Variants in TGFBR2 observed in about 807,000 individuals in gnomAD.
TGFBR2 encodes transforming growth factor beta receptor 2.
In TGFBR2, 18 loss-of-function variants were observed where a neutral mutation model predicts 49.0. The observed-to-expected ratio is 0.37, with a 90% confidence interval of 0.25 to 0.54. The LOEUF is 0.54. Among genes scored for constraint, TGFBR2 ranks in the 20% least tolerant of loss-of-function variants. The pLI, the probability that TGFBR2 is intolerant of heterozygous loss-of-function variation, is 0.85. For missense variants in TGFBR2, 525 were observed against 722.6 expected, an observed-to-expected ratio of 0.73 and a Z score of 3.13; for synonymous variants, 282 against 275.9, an observed-to-expected ratio of 1.02 and a Z score of -0.22.
intron 3 of TGFBR2, among the ~76,000 whole-genome samples, chr3:30,671,024 C>T (rs1392224458): frequency 6.6e-6 from 1 of 152,210 alleles, no homozygotes; most frequent in Non-Finnish European, 1.5e-5. Context: ...CAAACTGTGG[C>T]ACGCTCTGTG....
At chr3:30,667,400 C>T (rs1341125532) in intron 3 of TGFBR2, among the ~76,000 whole-genome samples, 1 of 152,138 alleles carries the variant, frequency 6.6e-6, no homozygotes, top group Non-Finnish European at 1.5e-5. Flanking sequence ...TAGATAAAGC[C>T]ACATCCCAAA....
chr3:30,637,859 A>G (rs990575348), intron 1 of TGFBR2, among the ~76,000 whole-genome samples: 1 of 152,250 alleles, frequency 6.6e-6, no homozygotes, highest in Admixed American at 6.5e-5. Context: ...TTTAGAAGCG[A>G]AAGTGCGAGG....
chr3:30,644,163 A>G (rs1200649776), intron 1 of TGFBR2, among the ~76,000 whole-genome samples: 5 of 152,220 alleles, frequency 3.3e-5, no homozygotes, highest in South Asian at 2.1e-4. Flanking sequence ...GAAGACCCTT[A>G]TAGCTCTTTC....
At chr3:30,615,206 G>A (rs1698108645) in intron 1 of TGFBR2, among the ~76,000 whole-genome samples, 1 of 152,124 alleles carries the variant, frequency 6.6e-6, no homozygotes, top group African/African-American at 2.4e-5. Context: ...AATATGTTGA[G>A]GATATAAATG....
chr3:30,632,659 TGTGA>T (rs1437649072), intron 1 of TGFBR2, among the ~76,000 whole-genome samples: 6 of 152,230 alleles, frequency 3.9e-5, no homozygotes, highest in African/African-American at 1.4e-4. Flanking sequence ...TTTTCTTTGG[TGTGA>T]GAGAGCATTG....
chr3:30,631,621 CTTTTT>C (rs71093918), intron 1 of TGFBR2, among the ~76,000 whole-genome samples: 2 of 115,378 alleles, frequency 1.7e-5, no homozygotes, highest in East Asian at 2.4e-4. Context: ...CAACTTCTTT[CTTTTT>C]TTTTTTTTTT....
At chr3:30,649,785 T>C (rs2125409215) in intron 2 of TGFBR2, among the ~76,000 whole-genome samples, 1 of 152,240 alleles carries the variant, frequency 6.6e-6, no homozygotes, top group South Asian at 2.1e-4. Context: ...AGAGGAACTG[T>C]GACTATTTCC....
intron 3 of TGFBR2, among the ~76,000 whole-genome samples, chr3:30,657,987 G>A (rs1699039491): frequency 6.6e-6 from 1 of 152,212 alleles, no homozygotes; most frequent in Admixed American, 6.5e-5. Flanking sequence ...AGCATACCGA[G>A]CAGGGGTCTG....
At chr3:30,641,072 C>A (rs572523517) in intron 1 of TGFBR2, among the ~76,000 whole-genome samples, 2 of 152,296 alleles carry the variant, frequency 1.3e-5, no homozygotes, top group East Asian at 3.9e-4. Context: ...CACTGGCCCT[C>A]ATCCCACTCT....
Position 30,691,498 on chromosome 3 carries a change from G to T in TGFBR2, c.1603G>T (p.Ala535Ser), listed in dbSNP as rs1699709450. ...GGCCCGTCTCACAGCCCAGTGTGTG[G>T]CAGAACGCTTCAGTGAGCTGGAGCA... ...PEARLTAQCV[A>S]ERFSELEHLD... Residue 535 changes from alanine to serine, a missense_variant, in exon 7 of 7, where the codon GCA (alanine) becomes TCA (serine). By Grantham distance (99) the Ala-to-Ser change is moderately conservative. Coordinates refer to ENST00000295754, the MANE Select transcript of TGFBR2 (RefSeq NM_003242.6). The T allele has an allele frequency of 6.2e-7, 1 of 1,614,096 alleles. No homozygotes were observed. The highest frequency in any genetic ancestry group is 1.6e-4 in the Middle Eastern group (1 of 6,062).
At chr3:30,643,954 G>A (rs953397247) in intron 1 of TGFBR2, among the ~76,000 whole-genome samples, 3 of 152,198 alleles carry the variant, frequency 2.0e-5, no homozygotes, top group Admixed American at 2.0e-4. Context: ...AAGGGGGCAG[G>A]AGATTGGTGA....
At chr3:30,632,302 G>A (rs78911748) in intron 1 of TGFBR2, among the ~76,000 whole-genome samples, 5 of 152,272 alleles carry the variant, frequency 3.3e-5, no homozygotes, top group South Asian at 2.1e-4. Flanking sequence ...ATCAGCTCTC[G>A]CCTGATAAAT....
intron 3 of TGFBR2, among the ~76,000 whole-genome samples, chr3:30,669,788 CT>C (rs1201719514): frequency 2.7e-5 from 4 of 147,380 alleles, no homozygotes. Flanking sequence ...ACTTTACAGG[CT>C]GCTCTTTGTT....
intron 3 of TGFBR2, among the ~76,000 whole-genome samples, chr3:30,667,143 T>C (rs945669598): frequency 5.3e-5 from 8 of 152,218 alleles, no homozygotes; most frequent in Admixed American, 4.6e-4. Context: ...ATAATAGCAG[T>C]TTCTACCTCA....
rs149195553 is a variant in TGFBR2 at position 30,672,275 on chromosome 3, T to A, written c.1092T>A (p.Asp364Glu). The change falls in exon 4 of 7, where the codon GAT becomes GAA. Residue 364 changes from aspartate to glutamate, a missense_variant. Coordinates refer to ENST00000295754, the MANE Select transcript of TGFBR2 (RefSeq NM_003242.6). The surrounding 1 kb of genome is among the most constrained non-coding windows in gnomAD (Gnocchi z 4.5). ...GGGGGATTGCTCACCTCCACAGTGA[T>A]CACACTCCATGTGGGAGGCCCAAGA... The part of the protein sequence containing the change: ...LARGIAHLHS[D>E]HTPCGRPKMP... 8 of 1,604,412 alleles carry A rather than the reference T, an allele frequency of 5.0e-6. No homozygotes were observed. The South Asian group carries it at 5.6e-5, about 11-fold the overall frequency.
At chr3:30,640,372 T>G (rs1252478563) in intron 1 of TGFBR2, among the ~76,000 whole-genome samples, 1 of 152,160 alleles carries the variant, frequency 6.6e-6, no homozygotes. Context: ...ACAGAGAGTC[T>G]ATAGGAATCG....
At chr3:30,685,168 A>C (rs1294092034) in intron 5 of TGFBR2, among the ~76,000 whole-genome samples, 1 of 152,166 alleles carries the variant, frequency 6.6e-6, no homozygotes, top group African/African-American at 2.4e-5. Flanking sequence ...AGGAGAAAGA[A>C]CTCTCTGAAA....
intron 3 of TGFBR2, among the ~76,000 whole-genome samples, chr3:30,661,101 C>T (rs956011978): frequency 1.1e-4 from 16 of 152,174 alleles, no homozygotes; most frequent in African/African-American, 3.9e-4. Context: ...TTTCAGGTTT[C>T]CTGAGAACAT....
At chr3:30,623,199 A>G in intron 1 of TGFBR2, 1 of 1,466,134 alleles carries the variant, frequency 6.8e-7, no homozygotes, top group Non-Finnish European at 9.6e-7. Flanking sequence ...TGTTTTACAG[A>G]TGTGGAAATG....
Sources: gnomAD v4.1 joint callset for allele counts (sites outside exome capture counted in the v4.1 genomes callset) on GRCh38, gnomAD v4.1.1 for gene constraint, Gnocchi (gnomAD v3.1) non-coding constraint, MANE v1.5 for transcripts, NCBI Gene and HGNC (gene_info 2026-07-23, HGNC 2026-07-21) for gene names.